NEDD4: variants seen among roughly 807,000 people sequenced by gnomAD.
NEDD4 encodes E3 ubiquitin-protein ligase NEDD4.
Under a neutral mutation model 144.9 loss-of-function variants are expected in NEDD4, and 99 were observed. The observed-to-expected ratio is 0.68, with a 90% CI of 0.58 to 0.81. The LOEUF is 0.81. NEDD4 is among the 30% of genes least tolerant of loss of function. NEDD4 has a pLI of 0.00. For synonymous variants in NEDD4, 318 were observed against 350.6 expected (o/e 0.91, Z 1.04); for missense variants, 985 against 1,065.9 (o/e 0.92, Z 1.06).
At chr15:55,884,871 A>C (rs1267819923) in intron 5 of NEDD4, among the ~76,000 whole-genome samples, 1 of 152,200 alleles carries the variant, frequency 6.6e-6, no homozygotes, top group Non-Finnish European at 1.5e-5. Flanking sequence ...ACAGAGATTG[A>C]AGTAGAAAGT....
At chr15:55,917,066 G>A (rs1434966561) in intron 5 of NEDD4, 19 of 1,255,350 alleles carry the variant, frequency 1.5e-5, no homozygotes. Flanking sequence ...ATCGCTTGTA[G>A]TCAAAATGCC....
chr15:55,968,627 A>G (rs2037556674), intron 1 of NEDD4, among the ~76,000 whole-genome samples: 1 of 152,208 alleles, frequency 6.6e-6, no homozygotes, highest in Non-Finnish European at 1.5e-5. Context: ...GCTAAGAAAT[A>G]CATGAAAAGA....
intron 1 of NEDD4, among the ~76,000 whole-genome samples, chr15:55,976,158 C>A (rs1398665521): frequency 6.6e-6 from 1 of 152,172 alleles, no homozygotes; most frequent in East Asian, 1.9e-4. Flanking sequence ...CTCCAGAACA[C>A]TGGTCTAGGC....
chr15:55,883,406 A>G (rs2035265244), intron 5 of NEDD4, among the ~76,000 whole-genome samples: 1 of 152,150 alleles, frequency 6.6e-6, no homozygotes, highest in South Asian at 2.1e-4. Context: ...TTCTGACTCC[A>G]GGCCCTGACT....
intron 5 of NEDD4, among the ~76,000 whole-genome samples, chr15:55,902,406 A>G (rs890573095): frequency 6.6e-6 from 1 of 152,206 alleles, no homozygotes; most frequent in African/African-American, 2.4e-5. Context: ...TCACGACTGC[A>G]TGGTGGCTTT....
chr15:55,900,035 C>A (rs1321573164), intron 5 of NEDD4, among the ~76,000 whole-genome samples: 1 of 151,770 alleles, frequency 6.6e-6, no homozygotes, highest in African/African-American at 2.4e-5. Flanking sequence ...GAATGATGCC[C>A]CACACCACAC....
At chr15:55,839,993 AAAAAAAATATATATATATATATATAT>A (rs1393660034) in intron 21 of NEDD4, among the ~76,000 whole-genome samples, 87 of 43,320 alleles carry the variant, frequency 2.0e-3, no homozygotes, top group Middle Eastern at 9.6e-3. Flanking sequence ...AAAAAAAAAA[AAAAAAAATATATATATATATATATAT>A]ATATATATAT....
rs761144804 is a variant in NEDD4, at chr15:55,848,828, G to T, written c.1406C>A (p.Ser469Tyr). ...TACAGGTAAAGGCCCTAGATCATTGGAAGTATCAAGTGATGTCTTTCCTCT... is the reference window on the plus strand; with the variant it reads ...TACAGGTAAAGGCCCTAGATCATTGTAAGTATCAAGTGATGTCTTTCCTCT... ...HLRGKTSLDT[S>Y]NDLGPLPPGW... Residue 469 changes from serine to tyrosine, a missense_variant, in exon 15 of 29, where the codon TCC becomes TAC. Ser to Tyr is a moderately radical substitution (Grantham distance 144, BLOSUM62 -2). Transcript: ENST00000435532. The T allele has an allele frequency of 2.5e-6, 4 of 1,613,658 alleles. No homozygotes were observed. The highest frequency in any genetic ancestry group is 2.2e-5 in the East Asian group (1 of 44,782).
intron 5 of NEDD4, among the ~76,000 whole-genome samples, chr15:55,897,253 G>A (rs1018022219): frequency 5.3e-5 from 8 of 152,174 alleles, no homozygotes; most frequent in Non-Finnish European, 1.0e-4. Flanking sequence ...GATTACAGGC[G>A]TGAGCCACTG....
At chr15:55,876,736 C>T (rs1224382019) in intron 5 of NEDD4, among the ~76,000 whole-genome samples, 2 of 151,952 alleles carry the variant, frequency 1.3e-5, no homozygotes, top group African/African-American at 4.8e-5. Context: ...ACAAACTAGT[C>T]CAATTAAAGA....
At chr15:55,858,917 A>G (rs1595758734) in intron 11 of NEDD4, among the ~76,000 whole-genome samples, 1 of 152,164 alleles carries the variant, frequency 6.6e-6, no homozygotes, top group Admixed American at 6.5e-5. Flanking sequence ...TACCAAAACA[A>G]ATGATGTGGC....
Position 55,957,326 on chromosome 15 carries a change from T to A in NEDD4, c.120-5737A>T, listed in dbSNP as rs62045209. The stretch of plus-strand genomic sequence containing the variant: ...TACATGGCTAAAATATATAGTACAA[T>A]GTTGGATAGAACATGAAAGCAGACA... On this transcript the variant is annotated intron_variant, in intron 2 of 28. Coordinates refer to ENST00000435532, the MANE Select transcript of NEDD4 (RefSeq NM_006154.4). 2.0e-5 allele frequency among the ~76,000 whole-genome samples: 3 copies of A among 152,122 alleles called. No individual in the cohort carries two copies. In the South Asian group the frequency reaches 6.2e-4, roughly 31 times the overall value.
In NEDD4 at chr15:55,840,002, ATATATATATATATATATATAT is replaced by A. The variant is rs1566901136; in HGVS notation, c.2031+424_2031+444del. ...AAAAAAAAAAAAAAAAAAAAAAAAT[ATATATATATATATATATATAT>A]ATATATATATATATATATAACATTC... On this transcript the variant is annotated intron_variant, in intron 21 of 28. Coordinates refer to ENST00000435532, the MANE Select transcript of NEDD4 (RefSeq NM_006154.4). Among the ~76,000 whole-genome samples, 22 of 20,796 alleles carry A rather than the reference ATATATATATATATATATATAT, an allele frequency of 1.1e-3. 1 individual carries two copies. The highest frequency in any genetic ancestry group is 2.5e-3 in the African/African-American group (15 of 6,030). 13.6% of individuals were successfully genotyped at this position (20,796 alleles called of 152,430 possible).
intron 5 of NEDD4, among the ~76,000 whole-genome samples, chr15:55,875,614 G>A (rs2034967207): frequency 6.6e-6 from 1 of 151,844 alleles, no homozygotes; most frequent in African/African-American, 2.4e-5. Flanking sequence ...CACCACGGCC[G>A]GCCAGATGTA....
At chr15:55,870,327 T>A (rs566862849) in intron 7 of NEDD4, among the ~76,000 whole-genome samples, 10 of 152,148 alleles carry the variant, frequency 6.6e-5, no homozygotes, top group Non-Finnish European at 1.0e-4. Context: ...CTGATCAGTG[T>A]CTGAAACCTG....
chr15:55,886,237 A>C (rs546175483), intron 5 of NEDD4, among the ~76,000 whole-genome samples: 5 of 152,338 alleles, frequency 3.3e-5, no homozygotes, highest in African/African-American at 1.2e-4. Flanking sequence ...GACAGACCCC[A>C]ATACAATTAT....
intron 5 of NEDD4, among the ~76,000 whole-genome samples, chr15:55,918,695 T>C (rs1251357372): frequency 6.6e-6 from 1 of 152,236 alleles, no homozygotes; most frequent in Non-Finnish European, 1.5e-5. Context: ...TGCATTTCAT[T>C]TGACTAGAAT....
chr15:55,940,741 A>C (rs2036987797), intron 4 of NEDD4, among the ~76,000 whole-genome samples: 1 of 152,026 alleles, frequency 6.6e-6, no homozygotes, highest in Middle Eastern at 3.4e-3. Context: ...TATTTTGCTC[A>C]GGATGACCTT....
intron 19 of NEDD4, among the ~76,000 whole-genome samples, chr15:55,841,563 T>C (rs1163213021): frequency 6.6e-6 from 1 of 152,148 alleles, no homozygotes. Flanking sequence ...TGACTCTAAA[T>C]TGTATATTTA....
Sources: allele counts gnomAD v4.1 joint callset (sites outside exome capture counted in the v4.1 genomes callset), GRCh38; gene constraint gnomAD v4.1.1; transcripts MANE v1.5; gene names NCBI Gene and HGNC (gene_info 2026-07-23, HGNC 2026-07-21).